ITGB8: variants seen among roughly 807,000 people sequenced by gnomAD.
The protein encoded by ITGB8 is integrin subunit beta 8.
A neutral mutation model predicts 89.5 loss-of-function variants in ITGB8; 30 were observed. The ratio of observed to expected loss-of-function variants is 0.34; its 90% CI spans 0.25 to 0.45. The LOEUF (loss-of-function observed/expected upper bound fraction) is 0.45. ITGB8 is among the 20% of genes least tolerant of loss of function. The pLI is 1.00. For synonymous variants in ITGB8, 335 were observed against 320.4 expected, an observed-to-expected ratio of 1.05 and a Z score of -0.49; for missense variants, 836 against 933.3, an observed-to-expected ratio of 0.90 and a Z score of 1.36.
Position 20,389,919 on chromosome 7 carries a change from A to G in ITGB8, c.961-1484A>G, listed in dbSNP as rs1786785770. ...CTTTTCCTATGCAGACCTACGTGTT[A>G]ATACTTTTTAAGCTTCTTCATTAGT... On this transcript the variant is annotated intron_variant, in intron 6 of 13. Coordinates refer to ENST00000222573, the MANE Select transcript of ITGB8 (RefSeq NM_002214.3). Among the ~76,000 whole-genome samples the G allele has an allele frequency of 2.6e-5, 4 of 151,838 alleles. No homozygotes were observed. In the South Asian group the frequency reaches 8.3e-4, roughly 32 times the overall value.
chr7:20,400,983 A>G (rs922359041), intron 9 of ITGB8, among the ~76,000 whole-genome samples: 2 of 151,990 alleles, frequency 1.3e-5, no homozygotes, highest in Non-Finnish European at 2.9e-5. Flanking sequence ...TTATTTATTT[A>G]TTTATTTTTG....
At chr7:20,349,932 G>A (rs1785057050) in intron 1 of ITGB8, among the ~76,000 whole-genome samples, 1 of 152,130 alleles carries the variant, frequency 6.6e-6, no homozygotes, top group South Asian at 2.1e-4. Context: ...TTTGCCAGAT[G>A]TATAGACCTC....
At chr7:20,396,341 G>A (rs929037096) in intron 8 of ITGB8, among the ~76,000 whole-genome samples, 2 of 151,834 alleles carry the variant, frequency 1.3e-5, no homozygotes, top group African/African-American at 4.8e-5. Context: ...GCTGAGGCAG[G>A]AGAATGGCTT....
chr7:20,402,161 T>C, intron 10 of ITGB8, 35 bp downstream of exon 10: 1 of 1,520,016 alleles, frequency 6.6e-7, no homozygotes, highest in Non-Finnish European at 8.9e-7. Flanking sequence ...CTTTTACTTG[T>C]CACTATTACA....
At chr7:20,339,205 AAAAC>A (rs1784674242) in intron 1 of ITGB8, among the ~76,000 whole-genome samples, 1 of 152,102 alleles carries the variant, frequency 6.6e-6, no homozygotes, top group South Asian at 2.1e-4. Flanking sequence ...AAAAAAAAAA[AAAAC>A]AACTTAGGAA....
Position 20,402,121 on chromosome 7 carries a change from G to A in ITGB8, c.1682G>A (p.Cys561Tyr), listed in dbSNP as rs1288216607. 6.2e-7 allele frequency: 1 copy of A among 1,608,128 alleles called. No individual in the cohort carries two copies. Among genetic ancestry groups the A allele is most frequent in the South Asian group, 1.1e-5 (1 of 89,810 alleles). ...FSCPYHHGNL[C>Y]AGHGECEAGR... is the part of the protein sequence containing the mutation. ...TGTCCATATCACCATGGAAATCTGT[G>A]TGCTGGTGAGTATAAATATATACAG... Residue 561 changes from cysteine (C) to tyrosine (Y), a missense_variant, in exon 10 of 14, where the codon TGT becomes TAT. Cys to Tyr is a radical substitution (Grantham distance 194). Around this residue, in one of 5 missense-constraint regions of ITGB8, gnomAD observed 422 missense variants for 416.9 expected, o/e 1.01. Coordinates refer to ENST00000222573, the MANE Select transcript of ITGB8 (RefSeq NM_002214.3).
intron 3 of ITGB8, among the ~76,000 whole-genome samples, chr7:20,374,565 C>T (rs1310608904): frequency 6.6e-6 from 1 of 151,210 alleles, no homozygotes; most frequent in East Asian, 1.9e-4. Context: ...GTGGTATGAT[C>T]CAGTTGCCAT....
rs3032551 is a variant in ITGB8 at position 20,386,243 on chromosome 7, A to ATT, written c.960+4370_960+4371dup. ...TTCAAATTGTAAACACTATGAGAAC[A>ATT]TTTTTTTTTTTTTGAGACGGAATCT... On this transcript the variant is annotated intron_variant, in intron 6 of 13. Transcript: ENST00000222573. Among the ~76,000 whole-genome samples, 855 of 144,790 alleles carry ATT rather than the reference A, an allele frequency of 5.9e-3. 14 individuals carry two copies. The highest frequency in any genetic ancestry group is 0.018 in the African/African-American group (700 of 39,170). 95.0% of individuals were successfully genotyped at this position (144,790 alleles called of 152,430 possible). A position where few individuals can be genotyped will look rare whatever the true frequency, so the allele number is the denominator to read the frequency against.
chr7:20,340,374 T>G (rs978157472), intron 1 of ITGB8, among the ~76,000 whole-genome samples: 1 of 152,152 alleles, frequency 6.6e-6, no homozygotes, highest in Non-Finnish European at 1.5e-5. Context: ...GAGACCGAGT[T>G]TGGAAGTGGA....
intron 1 of ITGB8, among the ~76,000 whole-genome samples, chr7:20,362,256 C>T (rs570159185): frequency 3.3e-5 from 5 of 152,070 alleles, no homozygotes; most frequent in Admixed American, 6.6e-5. Context: ...AAAGAGAAAA[C>T]GGTTGGAATA....
Position 20,394,978 on chromosome 7 carries a change from C to G in ITGB8, c.1139C>G (p.Ala380Gly), listed in dbSNP as rs766500550. 6.3e-7 allele frequency: 1 copy of G among 1,595,170 alleles called. No homozygotes were observed. Among genetic ancestry groups the G allele is most frequent in the East Asian group, 2.2e-5 (1 of 44,788 alleles). Residue 380 changes from alanine to glycine, a missense_variant, in exon 8 of 14, where the codon GCC becomes GGC. This residue lies in a region of ITGB8 where 192 missense variants were observed against 267.1 expected (regional missense o/e 0.72). Coordinates refer to ENST00000222573, the MANE Select transcript of ITGB8 (RefSeq NM_002214.3). ...AANLNNLVVEAYQKLISEVKV... is the reference protein window; with the variant it reads ...AANLNNLVVEGYQKLISEVKV... ...AACCTCAATAATTTGGTAGTGGAAG[C>G]CTATCAGGTATGTATATATTAGATA...
chr7:20,358,416 T>C (rs1785375134), intron 1 of ITGB8, among the ~76,000 whole-genome samples: 1 of 151,096 alleles, frequency 6.6e-6, no homozygotes, highest in African/African-American at 2.5e-5. Context: ...GCATCATTTT[T>C]TTCTTTTTTT....
At chr7:20,401,141 G>A (rs1365082821) in intron 9 of ITGB8, among the ~76,000 whole-genome samples, 6 of 152,044 alleles carry the variant, frequency 3.9e-5, no homozygotes, top group Non-Finnish European at 7.4e-5. Flanking sequence ...ACCATGCTCA[G>A]CTAATTTTTG....
At chr7:20,367,925 A>G (rs1275178180) in intron 3 of ITGB8, among the ~76,000 whole-genome samples, 1 of 152,226 alleles carries the variant, frequency 6.6e-6, no homozygotes, top group Non-Finnish European at 1.5e-5. Context: ...AGATAAATCA[A>G]GGTACACAGA....
At chr7:20,404,557 A>C (rs1429637476) in intron 10 of ITGB8, 71 bp from the exon 11 acceptor site, 2 of 1,280,662 alleles carry the variant, frequency 1.6e-6, no homozygotes, top group Non-Finnish European at 2.2e-6. Flanking sequence ...TGATACAGGA[A>C]TCCATGGTTG....
At chr7:20,396,240 C>T (rs972183425) in intron 8 of ITGB8, among the ~76,000 whole-genome samples, 1 of 152,018 alleles carries the variant, frequency 6.6e-6, no homozygotes, top group East Asian at 1.9e-4. Flanking sequence ...AGATTGACAC[C>T]ATCCTGGCTA....
chr7:20,406,899 A>C (rs568612125), intron 12 of ITGB8, among the ~76,000 whole-genome samples: 1 of 152,356 alleles, frequency 6.6e-6, no homozygotes, highest in East Asian at 1.9e-4. Context: ...TATCAAAATG[A>C]AAAGTACTAG....
chr7:20,374,785 G>T (rs1786069169), intron 3 of ITGB8, among the ~76,000 whole-genome samples: 1 of 152,194 alleles, frequency 6.6e-6, no homozygotes, highest in African/African-American at 2.4e-5. Context: ...GTAGACAAGA[G>T]TAAGTATTAT....
At chr7:20,367,779 T>A (rs1785761485) in intron 3 of ITGB8, among the ~76,000 whole-genome samples, 2 of 152,222 alleles carry the variant, frequency 1.3e-5, no homozygotes, top group African/African-American at 4.8e-5. Flanking sequence ...ACACCTTTTC[T>A]CCTATACCTC....
Sources: gnomAD v4.1 joint callset for allele counts (sites outside exome capture counted in the v4.1 genomes callset) on GRCh38, gnomAD v4.1.1 for gene constraint, gnomAD v4.1.1 regional missense constraint, MANE v1.5 for transcripts, NCBI Gene and HGNC (gene_info 2026-07-23, HGNC 2026-07-21) for gene names.